RNF24: variants seen among roughly 807,000 people sequenced by gnomAD.
RNF24 encodes ring finger protein 24.
RNF24 carries 14 observed loss-of-function variants against 20.0 expected under a neutral mutation model. The ratio of observed to expected loss-of-function variants is 0.70; its 90% CI spans 0.46 to 1.10. The LOEUF (loss-of-function observed/expected upper bound fraction) is 1.10, where lower values mean the gene tolerates loss of function less well. RNF24 is among the 50% of genes least tolerant of loss of function. The pLI, the probability that RNF24 is intolerant of heterozygous loss-of-function variation, is 0.00. For missense variants in RNF24, 124 were observed against 177.6 expected (o/e 0.70, Z 1.71); for synonymous variants, 45 against 61.1 (o/e 0.74, Z 1.23).
chr20:4,002,302 C>T (rs1225561008), intron 1 of RNF24, among the ~76,000 whole-genome samples: 9 of 152,166 alleles, frequency 5.9e-5, no homozygotes, highest in South Asian at 2.1e-4. Flanking sequence ...AGGAGAATGG[C>T]GTGAACCCAG....
At position 3,930,020 on chromosome 20, in the gene RNF24, G is replaced by C. The variant is rs1332598704; in HGVS notation, c.*4043C>G. ...GTCTGGTATCACATGAGTAGAAAAGGAGAAAAATTATATAGACACACATAC... is the reference window on the plus strand; with the variant it reads ...GTCTGGTATCACATGAGTAGAAAAGCAGAAAAATTATATAGACACACATAC... On this transcript the variant is annotated 3_prime_UTR_variant, in exon 6 of 6. Transcript: ENST00000358395. 1 of 152,186 alleles carries C rather than the reference G, an allele frequency of 6.6e-6. No individual in the cohort carries two copies. Among genetic ancestry groups the C allele is most frequent in the Non-Finnish European group, 1.5e-5 (1 of 68,034 alleles). 9.4% of individuals were successfully genotyped at this position (152,186 alleles called of 1,614,324 possible).
At position 3,934,916 on chromosome 20, in the gene RNF24, C is replaced by G; in HGVS notation, c.308+78G>C. ...ATGAAGCCATCAAGCTTGTCTGGCA[C>G]TGCCCTAAAACCCAAAAGAAGTTGG... On this transcript the variant is annotated intron_variant, in intron 5 of 5. Coordinates refer to ENST00000358395, the MANE Select transcript of RNF24 (RefSeq NM_001134337.3). This position sits in a 1 kb window ranked among gnomAD's most constrained non-coding sequence, Gnocchi z 4.0. The G allele has an allele frequency of 1.7e-6, 2 of 1,173,676 alleles. No individual in the cohort carries two copies. Among genetic ancestry groups the G allele is most frequent in the Non-Finnish European group, 2.5e-6 (2 of 784,998 alleles). 72.7% of individuals were successfully genotyped at this position (1,173,676 alleles called of 1,614,324 possible).
intron 2 of RNF24, 56 bp from the exon 3 acceptor site, chr20:3,948,335 G>A: frequency 7.9e-7 from 1 of 1,265,302 alleles, no homozygotes; most frequent in Non-Finnish European, 1.1e-6. Context: ...GTAACTTGAA[G>A]AAAAATAAAA....
chr20:3,961,268 G>C (rs2091198758), intron 2 of RNF24, among the ~76,000 whole-genome samples: 1 of 152,042 alleles, frequency 6.6e-6, no homozygotes, highest in Non-Finnish European at 1.5e-5. Context: ...TGGGTGTGGT[G>C]GTGGGTGTCT....
chr20:3,997,057 T>TA (rs557432274), intron 1 of RNF24, among the ~76,000 whole-genome samples: 6,233 of 144,110 alleles, frequency 0.043, 437 homozygotes, highest in African/African-American at 0.15. Context: ...CATTCTCTAC[T>TA]AAAAAAAAAA....
chr20:3,963,878 A>G lies in RNF24; in HGVS notation c.140T>C (p.Ile47Thr), dbSNP rs968824976. The change falls in exon 2 of 6, where the codon ATT becomes ACT. Residue 47 changes from isoleucine to threonine, a missense_variant. Transcript: ENST00000358395. Reference sequence around the variant, plus strand: ...ACATAGAATGAAAATTGGTTACCTAATCAAGTAGCAACAGAAGAGTAAACT... The same window carrying G: ...ACATAGAATGAAAATTGGTTACCTAGTCAAGTAGCAACAGAAGAGTAAACT... The part of the protein sequence containing the change: ...ILSLLFCCYL[I>T]RLRHQAHKEF... 4 of 1,569,464 alleles carry G rather than the reference A, an allele frequency of 2.5e-6. No individual in the cohort carries two copies. The African/African-American group carries it at 5.5e-5, about 21-fold the overall frequency.
intron 2 of RNF24, among the ~76,000 whole-genome samples, chr20:3,963,190 T>G (rs2091221565): frequency 6.6e-6 from 1 of 151,962 alleles, no homozygotes; most frequent in Non-Finnish European, 1.5e-5. Context: ...TCCCCTATGT[T>G]TCTTTATTAT....
intron 1 of RNF24, among the ~76,000 whole-genome samples, chr20:3,972,584 A>T (rs1272717280): frequency 6.6e-6 from 1 of 152,242 alleles, no homozygotes; most frequent in Non-Finnish European, 1.5e-5. Context: ...AGAAATTTTT[A>T]AAAATACACT....
intron 2 of RNF24, among the ~76,000 whole-genome samples, chr20:3,949,769 C>T (rs241645): frequency 0.31 from 47,355 of 152,036 alleles, 8,093 homozygotes; most frequent in African/African-American, 0.46. Context: ...TAGGTTAAGT[C>T]TGAAAAATTT....
At chr20:3,973,599 TAAG>T (rs543581912) in intron 1 of RNF24, among the ~76,000 whole-genome samples, 14 of 148,028 alleles carry the variant, frequency 9.5e-5, no homozygotes, top group African/African-American at 3.2e-4. Flanking sequence ...ATCAAAAGGA[TAAG>T]AAGGGTATAC....
At chr20:3,977,199 C>T (rs1476612470) in intron 1 of RNF24, among the ~76,000 whole-genome samples, 1 of 152,042 alleles carries the variant, frequency 6.6e-6, no homozygotes, top group Non-Finnish European at 1.5e-5. Context: ...AATTAAAATC[C>T]CCCATAGTAA....
chr20:3,974,198 T>A, intron 1 of RNF24: 1 of 822,252 alleles, frequency 1.2e-6, no homozygotes, highest in South Asian at 2.7e-5. Context: ...CTCCCAGAAA[T>A]AGAAATGGAA....
chr20:3,979,091 CA>C (rs11472696), intron 1 of RNF24, among the ~76,000 whole-genome samples: 128 of 101,652 alleles, frequency 1.3e-3, no homozygotes, highest in African/African-American at 1.4e-3. Flanking sequence ...GAGACTCTGT[CA>C]AAAAAAAAAA....
At chr20:3,989,486 A>G (rs943617040) in intron 1 of RNF24, among the ~76,000 whole-genome samples, 4 of 137,762 alleles carry the variant, frequency 2.9e-5, no homozygotes, top group Non-Finnish European at 6.6e-5. Flanking sequence ...GCAAGACTCC[A>G]TCTCAAAAAA....
chr20:3,960,212 G>A (rs956162483), intron 2 of RNF24, among the ~76,000 whole-genome samples: 3 of 152,246 alleles, frequency 2.0e-5, no homozygotes, highest in Non-Finnish European at 4.4e-5. Context: ...GTGCTGGAGA[G>A]CTTAGGTTAT....
chr20:4,000,289 C>T lies in RNF24; in HGVS notation c.-8+15148G>A, dbSNP rs149918372. Among the ~76,000 whole-genome samples the T allele has an allele frequency of 4.6e-3, 695 of 152,164 alleles. 14 individuals are homozygous for T. Among genetic ancestry groups the T allele is most frequent in the Admixed American group, 0.03 (457 of 15,298 alleles). ...CTGTGATCCCAGCACTTTGGGAGGC[C>T]GAGGTGGGTGGGTCACCTGAGGTCA... On this transcript the variant is annotated intron_variant, in intron 1 of 5. Transcript: ENST00000358395.
At chr20:3,971,581 T>C (rs968400771) in intron 1 of RNF24, among the ~76,000 whole-genome samples, 1 of 152,152 alleles carries the variant, frequency 6.6e-6, no homozygotes, top group Non-Finnish European at 1.5e-5. Context: ...GATGAGCATA[T>C]TAAAAATAAG....
At chr20:3,948,169 G>A in intron 3 of RNF24, 68 bp downstream of exon 3, 1 of 1,143,402 alleles carries the variant, frequency 8.7e-7, no homozygotes, top group Non-Finnish European at 1.3e-6. Context: ...CGTATGAGTG[G>A]AAATCAGAGT....
intron 1 of RNF24, among the ~76,000 whole-genome samples, chr20:3,983,984 C>T (rs1457251688): frequency 6.8e-6 from 1 of 147,666 alleles, no homozygotes; most frequent in Non-Finnish European, 1.5e-5. Context: ...AAAGTCTGGG[C>T]ACAGTGGCTC....
Sources: gnomAD v4.1 joint callset for allele counts (sites outside exome capture counted in the v4.1 genomes callset) on GRCh38, gnomAD v4.1.1 for gene constraint, Gnocchi (gnomAD v3.1) non-coding constraint, MANE v1.5 for transcripts, NCBI Gene and HGNC (gene_info 2026-07-23, HGNC 2026-07-21) for gene names.